The following DNER variants were observed in gnomAD, a reference collection of about 807,000 sequenced individuals.
DNER encodes delta/notch like EGF repeat containing.
A neutral mutation model predicts 78.2 loss-of-function variants in DNER; 33 were observed. That is an observed-to-expected ratio of 0.42 (90% CI 0.32 to 0.56). The LOEUF is 0.56. DNER is among the 20% of genes least tolerant of loss of function. The probability of loss-of-function intolerance (pLI) is 0.11; values close to 1 mark genes in which losing one functional copy is unlikely to be tolerated. For missense variants in DNER, 918 were observed against 975.3 expected (o/e 0.94, Z 0.78); for synonymous variants, 417 against 384.8 (o/e 1.08, Z -0.98).
intron 1 of DNER, among the ~76,000 whole-genome samples, chr2:229,664,077 G>C (rs1574550955): frequency 6.6e-6 from 1 of 152,096 alleles, no homozygotes; most frequent in Admixed American, 6.5e-5. Context: ...TTCAGTTCTT[G>C]ACTTGAATTG....
intron 1 of DNER, among the ~76,000 whole-genome samples, chr2:229,611,206 C>A (rs1340744075): frequency 1.3e-5 from 2 of 152,110 alleles, no homozygotes; most frequent in African/African-American, 4.8e-5. Context: ...TTTTTTCTTT[C>A]AATTTATGTG....
intron 10 of DNER, 72 bp downstream of exon 10, chr2:229,407,160 G>C: frequency 7.6e-7 from 1 of 1,310,870 alleles, no homozygotes; most frequent in Non-Finnish European, 1.1e-6. Flanking sequence ...TGATGGATTT[G>C]GGTTTTTTTA....
At chr2:229,578,638 C>T (rs1170901706) in intron 4 of DNER, among the ~76,000 whole-genome samples, 1 of 152,148 alleles carries the variant, frequency 6.6e-6, no homozygotes, top group Non-Finnish European at 1.5e-5. Flanking sequence ...AGCCCTCACC[C>T]CAGCTAATAC....
chr2:229,436,989 AG>A (rs1200862369), intron 8 of DNER, among the ~76,000 whole-genome samples: 1 of 152,248 alleles, frequency 6.6e-6, no homozygotes, highest in Non-Finnish European at 1.5e-5. Context: ...CCCAATTAAA[AG>A]GCACAGAGTG....
intron 4 of DNER, among the ~76,000 whole-genome samples, chr2:229,562,704 A>G (rs1696982347): frequency 6.6e-6 from 1 of 152,098 alleles, no homozygotes; most frequent in Admixed American, 6.5e-5. Flanking sequence ...TGACTTTGAG[A>G]GAGTTAGTTA....
intron 1 of DNER, among the ~76,000 whole-genome samples, chr2:229,669,336 G>A (rs891387115): frequency 2.7e-5 from 4 of 149,322 alleles, no homozygotes; most frequent in African/African-American, 7.5e-5. Flanking sequence ...TGCACGTTCC[G>A]CACATGTATC....
At chr2:229,436,851 G>C (rs747623126) in intron 8 of DNER, among the ~76,000 whole-genome samples, 9 of 152,170 alleles carry the variant, frequency 5.9e-5, no homozygotes, top group Non-Finnish European at 1.0e-4. Flanking sequence ...ACACACTTAA[G>C]TACATAAAGC....
At chr2:229,408,955 C>T (rs1027308811) in intron 9 of DNER, among the ~76,000 whole-genome samples, 3 of 152,194 alleles carry the variant, frequency 2.0e-5, no homozygotes, top group Admixed American at 6.5e-5. Context: ...CCCACTGCCT[C>T]GTGCCTGGTG....
intron 6 of DNER, among the ~76,000 whole-genome samples, chr2:229,492,155 C>T (rs1695414542): frequency 6.6e-6 from 1 of 152,160 alleles, no homozygotes; most frequent in Non-Finnish European, 1.5e-5. Flanking sequence ...ATCCCTGGCA[C>T]ATAGTACACA....
At chr2:229,521,502 T>C (rs555728702) in intron 5 of DNER, among the ~76,000 whole-genome samples, 2 of 152,302 alleles carry the variant, frequency 1.3e-5, no homozygotes, top group South Asian at 4.1e-4. Context: ...TGAAATTACA[T>C]AGGTGACAGA....
intron 5 of DNER, among the ~76,000 whole-genome samples, chr2:229,514,538 A>G (rs977943831): frequency 9.9e-5 from 15 of 152,226 alleles, no homozygotes; most frequent in Admixed American, 3.9e-4. Flanking sequence ...CTATTATGAC[A>G]TGAATTCAAT....
At chr2:229,517,498 G>A (rs1439760982) in intron 5 of DNER, among the ~76,000 whole-genome samples, 7 of 152,340 alleles carry the variant, frequency 4.6e-5, no homozygotes, top group South Asian at 2.1e-4. Flanking sequence ...GGAGGCATCC[G>A]AGGAAAGGTA....
chr2:229,658,340 C>T (rs556290485), intron 1 of DNER, among the ~76,000 whole-genome samples: 3 of 152,280 alleles, frequency 2.0e-5, no homozygotes, highest in South Asian at 2.1e-4. Context: ...TCCTATTTAC[C>T]GTGGTTGACG....
chr2:229,399,379 T>G (rs921735908), intron 10 of DNER, among the ~76,000 whole-genome samples: 1 of 151,800 alleles, frequency 6.6e-6, no homozygotes, highest in Non-Finnish European at 1.5e-5. Flanking sequence ...GAAAAAATGT[T>G]GATGAAAGAA....
rs528268448 is a variant in DNER, at chr2:229,491,327, A to C, written c.1148-14074T>G. Among the ~76,000 whole-genome samples the C allele has an allele frequency of 5.3e-5, 8 of 152,280 alleles. No homozygotes were observed. The East Asian group carries it at 9.7e-4, about 18-fold the overall frequency. On this transcript the variant is annotated intron_variant, in intron 6 of 12. Transcript: ENST00000341772. Reference sequence around the variant, plus strand: ...ATTCCTCATAGACGGCACCTTCGAGATGCCCTCACATGGCAGAAAAAGAAG... The same window carrying C: ...ATTCCTCATAGACGGCACCTTCGAGCTGCCCTCACATGGCAGAAAAAGAAG...
chr2:229,428,760 T>C (rs1334271377), intron 8 of DNER, among the ~76,000 whole-genome samples: 1 of 151,832 alleles, frequency 6.6e-6, no homozygotes, highest in East Asian at 1.9e-4. Flanking sequence ...AGGGGTTCAA[T>C]TGTGCTGTAG....
chr2:229,447,567 A>G (rs1694367428), intron 7 of DNER, 27 bp from the exon 8 acceptor site: 8 of 1,603,890 alleles, frequency 5.0e-6, no homozygotes, highest in African/African-American at 4.0e-5. Context: ...GAGAGCTTAA[A>G]AAAACTAAAA....
At chr2:229,486,610 C>T (rs1256042916) in intron 6 of DNER, among the ~76,000 whole-genome samples, 1 of 152,182 alleles carries the variant, frequency 6.6e-6, no homozygotes, top group African/African-American at 2.4e-5. Context: ...ATAATGACTT[C>T]AAGCAGCAGG....
intron 1 of DNER, among the ~76,000 whole-genome samples, chr2:229,593,088 C>T (rs1034054438): frequency 2.0e-5 from 3 of 152,182 alleles, no homozygotes; most frequent in Non-Finnish European, 4.4e-5. Context: ...TGGCAATTCC[C>T]TCACAGAATC....
Sources: allele counts gnomAD v4.1 joint callset (sites outside exome capture counted in the v4.1 genomes callset), GRCh38; gene constraint gnomAD v4.1.1; transcripts MANE v1.5; gene names NCBI Gene and HGNC (gene_info 2026-07-23, HGNC 2026-07-21).